Variants in MUSK observed in about 807,000 individuals in gnomAD.
The protein encoded by MUSK is muscle, skeletal receptor tyrosine-protein kinase.
Under a neutral mutation model 88.7 loss-of-function variants are expected in MUSK, and 55 were observed. That is an observed-to-expected ratio of 0.62 (90% CI 0.50 to 0.78). The LOEUF (loss-of-function observed/expected upper bound fraction) is 0.78. Among genes scored for constraint, MUSK ranks in the 30% least tolerant of loss-of-function variants. MUSK has a pLI of 0.00. For missense variants in MUSK, 1,015 were observed against 1,074.3 expected (o/e 0.94, Z 0.77); for synonymous variants, 387 against 391.9 (o/e 0.99, Z 0.15).
chr9:110,686,180 T>G (rs2076194147), intron 2 of MUSK, among the ~76,000 whole-genome samples: 1 of 152,086 alleles, frequency 6.6e-6, no homozygotes, highest in Non-Finnish European at 1.5e-5. Context: ...CTGCGTTCCT[T>G]GGCCCCCTAC....
intron 11 of MUSK, among the ~76,000 whole-genome samples, chr9:110,778,492 GA>G (rs2077703465): frequency 6.6e-6 from 1 of 151,992 alleles, no homozygotes; most frequent in African/African-American, 2.4e-5. Context: ...TATACATGGA[GA>G]ATAAAGGACC....
chr9:110,712,517 G>A (rs373400824), intron 5 of MUSK, among the ~76,000 whole-genome samples: 2 of 152,152 alleles, frequency 1.3e-5, no homozygotes, highest in African/African-American at 4.8e-5. Flanking sequence ...AGAAGCATCT[G>A]GAGATCTTAC....
rs2077907101 is a variant in MUSK at position 110,788,157 on chromosome 9, A to G, written c.1927+319A>G. 1.1e-5 allele frequency: 3 copies of G among 265,546 alleles called. No individual in the cohort carries two copies. In the Admixed American group the frequency reaches 1.6e-4, roughly 14 times the overall value. The allele number at this position is 265,546 out of a possible 1,614,324, so 16.4% of individuals were successfully genotyped here. ...AAAATTTATCAATATTGAAAAGTCT[A>G]TATATTTTACTTATTTTGTTTCTCC... is the stretch of plus-strand genomic sequence containing the variant. On this transcript the variant is annotated intron_variant, in intron 14 of 14. Transcript: ENST00000374448.
At chr9:110,757,594 G>A (rs1216322333) in intron 7 of MUSK, among the ~76,000 whole-genome samples, 1 of 150,932 alleles carries the variant, frequency 6.6e-6, no homozygotes, top group South Asian at 2.1e-4. Flanking sequence ...TGTTGTGACT[G>A]TCTTTTTCTG....
chr9:110,719,713 A>AATT (rs1470764813), intron 5 of MUSK, among the ~76,000 whole-genome samples: 1 of 152,088 alleles, frequency 6.6e-6, no homozygotes, highest in African/African-American at 2.4e-5. Context: ...TAAACAATGG[A>AATT]ATTAAACTAT....
rs56126328 is a variant in MUSK, at chr9:110,800,465, C to G, written c.2087C>G (p.Pro696Arg). Residue 696 changes from proline (P) to arginine (R), a missense_variant, in exon 15 of 15, where the codon CCC (proline) becomes CGC (arginine). Coordinates refer to ENST00000374448, the MANE Select transcript of MUSK (RefSeq NM_005592.4). ...RAQVSSPGPP[P>R]LSCAEQLCIA... ...CAGGTCTCCAGCCCTGGGCCCCCAC[C>G]CCTCTCCTGTGCTGAGCAGCTTTGC... The G allele has an allele frequency of 1.2e-6, 2 of 1,613,912 alleles. No homozygotes were observed. Among genetic ancestry groups the G allele is most frequent in the Non-Finnish European group, 1.7e-6 (2 of 1,179,862 alleles).
Position 110,697,466 on chromosome 9 carries a change from G to A in MUSK, c.628G>A (p.Val210Ile). 1 of 1,607,856 alleles carries A rather than the reference G, an allele frequency of 6.2e-7. No homozygotes were observed. Reference protein sequence around the residue: ...YSKVVKLEVEVFARILRAPES... With the variant: ...YSKVVKLEVEIFARILRAPES... ...CAAAGTGGTGAAGCTGGAAGTTGAG[G>A]GTAAGGAGCTGCATTTCTTCCCCTG... Residue 210 changes from valine to isoleucine, a missense_variant and splice_region_variant, in exon 5 of 15, where the codon GTT becomes ATT. Transcript: ENST00000374448.
intron 3 of MUSK, among the ~76,000 whole-genome samples, chr9:110,688,654 C>G (rs191531135): frequency 1.8e-4 from 27 of 151,804 alleles, no homozygotes; most frequent in African/African-American, 5.1e-4. Context: ...TGTGCTGTTT[C>G]CCCCCATGTG....
In MUSK at chr9:110,729,326, T is replaced by TA. The variant is rs34882321; in HGVS notation, c.629-4907dup. 4.9e-3 allele frequency among the ~76,000 whole-genome samples: 478 copies of TA among 97,398 alleles called. 1 individual carries two copies. Among genetic ancestry groups the TA allele is most frequent in the Middle Eastern group, 0.012 (2 of 162 alleles). 63.9% of individuals were successfully genotyped at this position (97,398 alleles called of 152,430 possible). ...TTCTGTCAACAGTTTCTGTTTTCTGTAAAAAAAAAAAAAAAAAAGAAAAAA... is the reference window on the plus strand; with the variant it reads ...TTCTGTCAACAGTTTCTGTTTTCTGTAAAAAAAAAAAAAAAAAAAGAAAAAA... On this transcript the variant is annotated intron_variant, in intron 5 of 14. Coordinates refer to ENST00000374448, the MANE Select transcript of MUSK (RefSeq NM_005592.4).
intron 5 of MUSK, chr9:110,727,735 G>C (rs753607810): frequency 6.5e-6 from 1 of 152,912 alleles, no homozygotes; most frequent in African/African-American, 2.4e-5. Flanking sequence ...AGTCAAATGA[G>C]ATCGAGTAAA....
chr9:110,694,242 C>T (rs572159723), intron 3 of MUSK, among the ~76,000 whole-genome samples: 111 of 147,336 alleles, frequency 7.5e-4, no homozygotes, highest in Non-Finnish European at 1.3e-3. Flanking sequence ...AAAAATTAGC[C>T]GGGTGTGGTG....
intron 6 of MUSK, among the ~76,000 whole-genome samples, chr9:110,738,672 AC>A (rs2131850945): frequency 1.3e-5 from 2 of 152,168 alleles, no homozygotes; most frequent in African/African-American, 4.8e-5. Context: ...GCTCTTTATG[AC>A]CCCAGAAGGG....
At position 110,800,775 on chromosome 9, in the gene MUSK, C is replaced by T. The variant is rs775509048; in HGVS notation, c.2397C>T (p.Gly799=). The T allele has an allele frequency of 5.6e-6, 9 of 1,613,920 alleles. No homozygotes were observed. Among genetic ancestry groups the T allele is most frequent in the Non-Finnish European group, 7.6e-6 (9 of 1,179,906 alleles). The change falls in exon 15 of 15, where the codon GGC becomes GGT. Residue 799 remains glycine, a synonymous_variant. Transcript: ENST00000374448. ...GVVLWEIFSY[G]LQPYYGMAHE... is the part of the protein sequence containing the mutation. ...TCCTCTGGGAGATCTTCTCCTATGG[C>T]CTGCAGCCCTACTATGGGATGGCCC...
chr9:110,701,919 A>G (rs1409806312), intron 5 of MUSK, among the ~76,000 whole-genome samples: 4 of 133,100 alleles, frequency 3.0e-5, no homozygotes, highest in Admixed American at 1.7e-4. Context: ...ATTTTATTTT[A>G]TTTTATTTCA....
rs187093257 is a variant in MUSK at position 110,717,160 on chromosome 9, G to A, written c.629-17091G>A. 2.0e-4 allele frequency among the ~76,000 whole-genome samples: 30 copies of A among 149,294 alleles called. 2 individuals are homozygous for A. The highest frequency in any genetic ancestry group is 7.4e-4 in the African/African-American group (29 of 39,338). On this transcript the variant is annotated intron_variant, in intron 5 of 14. Transcript: ENST00000374448. The stretch of plus-strand genomic sequence containing the variant: ...TTAGACGATTTCTATCATGTATTAT[G>A]CTGTTTCTTTTCTCTGCTTCTTTTT...
At chr9:110,683,915 T>A (rs2076163497) in intron 2 of MUSK, among the ~76,000 whole-genome samples, 2 of 152,148 alleles carry the variant, frequency 1.3e-5, no homozygotes, top group Non-Finnish European at 2.9e-5. Flanking sequence ...AAATATTTCC[T>A]CCCATTCTAT....
intron 2 of MUSK, among the ~76,000 whole-genome samples, chr9:110,685,639 G>A (rs1254221517): frequency 6.6e-6 from 1 of 152,022 alleles, no homozygotes; most frequent in Non-Finnish European, 1.5e-5. Context: ...TCTTTTCCCA[G>A]TAGCATGCTC....
intron 7 of MUSK, among the ~76,000 whole-genome samples, chr9:110,755,695 T>C (rs925167923): frequency 6.6e-6 from 1 of 151,836 alleles, no homozygotes; most frequent in Non-Finnish European, 1.5e-5. Context: ...ACATGGAGAG[T>C]AGACAAAATG....
At chr9:110,723,574 A>T (rs903704241) in intron 5 of MUSK, among the ~76,000 whole-genome samples, 4 of 152,070 alleles carry the variant, frequency 2.6e-5, no homozygotes, top group African/African-American at 9.7e-5. Context: ...AAAAAATTTT[A>T]AAAACTACAA....
Sources: allele counts gnomAD v4.1 joint callset (sites outside exome capture counted in the v4.1 genomes callset), GRCh38; gene constraint gnomAD v4.1.1; transcripts MANE v1.5; gene names NCBI Gene and HGNC (gene_info 2026-07-23, HGNC 2026-07-21).